The following CUL1 variants were observed in gnomAD, a reference collection of about 807,000 sequenced individuals.
The protein encoded by CUL1 is cullin 1, also known as cullin-1.
CUL1 carries 24 observed loss-of-function variants against 118.0 expected under a neutral mutation model. The ratio of observed to expected loss-of-function variants is 0.20; its 90% confidence interval spans 0.15 to 0.29. The LOEUF is 0.29. Ranked by LOEUF, CUL1 falls within the 10% of genes least tolerant of loss-of-function variation. The probability of loss-of-function intolerance (pLI) is 1.00; values close to 1 mark genes in which losing one functional copy is unlikely to be tolerated. For synonymous variants in CUL1, 332 were observed against 340.4 expected, an observed-to-expected ratio of 0.98 and a Z score of 0.27; for missense variants, 361 against 933.8, an observed-to-expected ratio of 0.39 and a Z score of 7.99.
intron 9 of CUL1, among the ~76,000 whole-genome samples, chr7:148,782,015 C>T (rs1439119150): frequency 6.6e-6 from 1 of 152,184 alleles, no homozygotes; most frequent in East Asian, 1.9e-4. Context: ...AAGGATCCTG[C>T]ATGTTACCGT....
chr7:148,740,109 A>G (rs550312804), intron 2 of CUL1, among the ~76,000 whole-genome samples: 6 of 151,570 alleles, frequency 4.0e-5, no homozygotes, highest in African/African-American at 1.2e-4. Flanking sequence ...CCGGAGTGCA[A>G]TGGCGCAACC....
intron 9 of CUL1, among the ~76,000 whole-genome samples, chr7:148,782,392 G>C (rs1237616876): frequency 6.6e-6 from 1 of 152,218 alleles, no homozygotes; most frequent in African/African-American, 2.4e-5. Context: ...GAAACAAAGA[G>C]CAAGGCTATC....
intron 1 of CUL1, among the ~76,000 whole-genome samples, chr7:148,724,833 A>G (rs1798509993): frequency 1.3e-5 from 2 of 152,124 alleles, no homozygotes; most frequent in South Asian, 2.1e-4. Flanking sequence ...TTTCCTAAGT[A>G]TATTTTGTTT....
intron 1 of CUL1, among the ~76,000 whole-genome samples, chr7:148,717,043 T>TTTTTTG (rs372198573): frequency 1.6e-4 from 24 of 150,738 alleles, no homozygotes; most frequent in Non-Finnish European, 1.9e-4. Flanking sequence ...TTGTTTTTCA[T>TTTTTTG]TTTTGTTTTG....
Position 148,787,584 on chromosome 7 carries a change from A to G in CUL1, c.1479+464A>G, listed in dbSNP as rs1363327435. On this transcript the variant is annotated intron_variant, in intron 13 of 21. Transcript: ENST00000325222. The surrounding 1 kb of genome is among the most constrained non-coding windows in gnomAD (Gnocchi z 5.5). Reference sequence around the variant, plus strand: ...GAAAGCCTCCCACAACTATCACTCTACTCTCGTTGGGCCCCGGTGCCTTCC... The same window carrying G: ...GAAAGCCTCCCACAACTATCACTCTGCTCTCGTTGGGCCCCGGTGCCTTCC... 6.6e-6 allele frequency among the ~76,000 whole-genome samples: 1 copy of G among 150,484 alleles called. No homozygotes were observed. The highest frequency in any genetic ancestry group is 1.9e-4 in the East Asian group (1 of 5,144).
At chr7:148,735,538 A>G (rs2129459763) in intron 2 of CUL1, among the ~76,000 whole-genome samples, 1 of 152,368 alleles carries the variant, frequency 6.6e-6, no homozygotes, top group East Asian at 1.9e-4. Flanking sequence ...ATCACACAGA[A>G]GGAATAACAA....
intron 2 of CUL1, among the ~76,000 whole-genome samples, chr7:148,743,428 T>C (rs867018395): frequency 2.0e-5 from 3 of 152,186 alleles, no homozygotes; most frequent in Non-Finnish European, 2.9e-5. Context: ...TTTTTTTCTT[T>C]TCTCCCTGCT....
chr7:148,721,196 A>G (rs1380111573), intron 1 of CUL1, among the ~76,000 whole-genome samples: 1 of 152,204 alleles, frequency 6.6e-6, no homozygotes. Flanking sequence ...AGCATGTTCC[A>G]TGTTAAGAAG....
In CUL1 at chr7:148,790,375, G is replaced by A. The variant is rs764499381; in HGVS notation, c.1740G>A (p.Thr580=). 51 of 1,613,914 alleles carry A rather than the reference G, an allele frequency of 3.2e-5. 1 individual carries two copies. Among genetic ancestry groups the A allele is most frequent in the South Asian group, 1.1e-4 (10 of 91,092 alleles). The change falls in exon 16 of 22, where the codon ACG becomes ACA. Residue 580 remains threonine (T), a synonymous_variant. Coordinates refer to ENST00000325222, the MANE Select transcript of CUL1 (RefSeq NM_003592.3). The part of the protein sequence containing the change: ...YASRHSGRKL[T]WLYQLSKGEL... ...GCCGCCACAGTGGCCGAAAATTGAC[G>A]TGGTTATATCAGTTGTCTAAAGGAG...
chr7:148,743,527 A>G (rs760635680), intron 2 of CUL1, among the ~76,000 whole-genome samples: 4 of 152,116 alleles, frequency 2.6e-5, no homozygotes, highest in Non-Finnish European at 5.9e-5. Context: ...TATTTTTCCT[A>G]TGGTCTAGTT....
At chr7:148,733,425 C>A (rs1308855994) in intron 2 of CUL1, among the ~76,000 whole-genome samples, 1 of 152,192 alleles carries the variant, frequency 6.6e-6, no homozygotes, top group African/African-American at 2.4e-5. Flanking sequence ...GAGCCATCTT[C>A]ACTTAAAGCC....
intron 1 of CUL1, among the ~76,000 whole-genome samples, chr7:148,718,330 C>T (rs899737052): frequency 9.2e-5 from 14 of 152,198 alleles, no homozygotes; most frequent in Non-Finnish European, 1.6e-4. Flanking sequence ...AATTTTAGAA[C>T]ATTTCCATCA....
intron 2 of CUL1, among the ~76,000 whole-genome samples, chr7:148,739,362 A>G (rs957966060): frequency 1.3e-5 from 2 of 152,212 alleles, no homozygotes; most frequent in Admixed American, 6.5e-5. Context: ...CATCAGAGCT[A>G]TATAAGATCT....
rs1801354152 is a variant in CUL1 at position 148,800,580 on chromosome 7, T to TA, written c.2331dup. The TA allele has an allele frequency of 6.2e-7, 1 of 1,611,166 alleles. No individual in the cohort carries two copies. The highest frequency in any genetic ancestry group is 1.1e-5 in the South Asian group (1 of 91,004). ...AAAGGACACCTACAGTTACTTGGCT[T>TA]AACCCTTCTGGAAGGGTCTGACTGT... ...GEKDTYSYLA[*] Residue 777 remains the stop codon, a frameshift_variant and stop_retained_variant, in exon 22 of 22, where the codon TAA becomes TAAA. Transcript: ENST00000325222. LOFTEE classifies it high-confidence loss of function. This position sits in a 1 kb window ranked among gnomAD's most constrained non-coding sequence, Gnocchi z 4.6.
At chr7:148,797,912 T>C (rs762418941) in intron 18 of CUL1, 25 bp from the exon 19 acceptor site, 9 of 1,610,476 alleles carry the variant, frequency 5.6e-6, no homozygotes, top group Non-Finnish European at 7.6e-6. Context: ...CCTGAGATTG[T>C]AGAGTAACAA....
Position 148,760,484 on chromosome 7 carries a change from A to G in CUL1, c.777A>G (p.Glu259=). Reference sequence around the variant, plus strand: ...TCTTGCAGCAGAACCCAGTTACTGAATATATGAAAAAGGTAAGCTTAAATA... The same window carrying G: ...TCTTGCAGCAGAACCCAGTTACTGAGTATATGAAAAAGGTAAGCTTAAATA... ...TEFLQQNPVT[E]YMKKAEARLL... The change falls in exon 7 of 22, where the codon GAA becomes GAG. Residue 259 remains glutamate (E), a synonymous_variant. Coordinates refer to ENST00000325222, the MANE Select transcript of CUL1 (RefSeq NM_003592.3). 6.2e-7 allele frequency: 1 copy of G among 1,608,468 alleles called. No individual in the cohort carries two copies. The highest frequency in any genetic ancestry group is 8.5e-7 in the Non-Finnish European group (1 of 1,177,964).
intron 1 of CUL1, among the ~76,000 whole-genome samples, chr7:148,715,231 A>G (rs1036519734): frequency 6.6e-5 from 10 of 152,172 alleles, no homozygotes; most frequent in East Asian, 1.9e-4. Flanking sequence ...TGTGACAGCA[A>G]TGTTGGGAGA....
intron 19 of CUL1, among the ~76,000 whole-genome samples, chr7:148,798,307 T>G (rs865922843): frequency 3.9e-5 from 6 of 152,248 alleles, no homozygotes; most frequent in Middle Eastern, 3.4e-3. Flanking sequence ...TTTATCTCAC[T>G]TGACAAAATT....
intron 1 of CUL1, among the ~76,000 whole-genome samples, chr7:148,710,580 C>T (rs898660850): frequency 4.6e-5 from 7 of 152,116 alleles, no homozygotes; most frequent in African/African-American, 1.4e-4. Context: ...AGAAAAAATA[C>T]GAGCAAATGT....
Sources: allele counts gnomAD v4.1 joint callset (sites outside exome capture counted in the v4.1 genomes callset), GRCh38; gene constraint gnomAD v4.1.1; non-coding constraint Gnocchi (gnomAD v3.1); transcripts MANE v1.5; gene names NCBI Gene and HGNC (gene_info 2026-07-23, HGNC 2026-07-21).